CELF2: variants seen among roughly 807,000 people sequenced by gnomAD.
CELF2 encodes the protein CUG triplet repeat RNA-binding protein 2.
In CELF2, 8 loss-of-function variants were observed where a neutral mutation model predicts 62.6. The ratio of observed to expected loss-of-function variants is 0.13; its 90% CI spans 0.07 to 0.23. The LOEUF is 0.23. Ranked by LOEUF, CELF2 falls within the 10% of genes least tolerant of loss-of-function variation. CELF2 has a pLI of 1.00. For missense variants in CELF2, 333 were observed against 671.0 expected, an observed-to-expected ratio of 0.50 and a Z score of 5.56; for synonymous variants, 258 against 250.0, an observed-to-expected ratio of 1.03 and a Z score of -0.30.
At chr10:10,809,034 A>G (rs757260071) in intron 1 of CELF2, among the ~76,000 whole-genome samples, 20 of 152,164 alleles carry the variant, frequency 1.3e-4, no homozygotes, top group Non-Finnish European at 2.5e-4. Flanking sequence ...CTAACCCCCA[A>G]TGTGGTGGTA....
chr10:10,686,310 TGGG>T, the CELF2 span, among the ~76,000 whole-genome samples: 1 of 69,754 alleles, frequency 1.4e-5, no homozygotes, highest in Non-Finnish European at 2.9e-5. Flanking sequence ...TTGGATTTTT[TGGG>T]GGGGGGGGTG....
intron 1 of CELF2, among the ~76,000 whole-genome samples, chr10:10,834,423 C>T (rs2058111612): frequency 6.6e-6 from 1 of 152,088 alleles, no homozygotes; most frequent in African/African-American, 2.4e-5. Flanking sequence ...ACAAGTTTAC[C>T]TATATAGCAA....
At chr10:10,628,133 C>T in the CELF2 span, among the ~76,000 whole-genome samples, 1 of 152,122 alleles carries the variant, frequency 6.6e-6, no homozygotes, top group Admixed American at 6.5e-5. Flanking sequence ...AAACTCCTGG[C>T]CTCAGGTAAT....
chr10:10,592,124 C>A, the CELF2 span, among the ~76,000 whole-genome samples: 239 of 152,234 alleles, frequency 1.6e-3, 2 homozygotes, highest in Non-Finnish European at 2.9e-3. Flanking sequence ...TAGCGTACAA[C>A]CTTTCAACAT....
At chr10:11,024,764 G>A (rs1019945254) in intron 1 of CELF2, among the ~76,000 whole-genome samples, 14 of 152,098 alleles carry the variant, frequency 9.2e-5, no homozygotes, top group East Asian at 1.9e-4. Context: ...GCTCCAATAG[G>A]ACTGAAGATT....
At position 11,156,009 on chromosome 10, in the gene CELF2, G is replaced by A. The variant is rs1305748323; in HGVS notation, c.75-9477G>A. ...CAGATAATCAGCATTTAACAGAAAA[G>A]TAGGTGGAGTTCTGAATGCCGGGCA... On this transcript the variant is annotated intron_variant, in intron 1 of 12. Coordinates refer to ENST00000633077, the MANE Select transcript of CELF2 (RefSeq NM_001326342.2). The surrounding 1 kb of genome is among the most constrained non-coding windows in gnomAD (Gnocchi z 4.3). Among the ~76,000 whole-genome samples, 3 of 152,202 alleles carry A rather than the reference G, an allele frequency of 2.0e-5. No individual in the cohort carries two copies. Among genetic ancestry groups the A allele is most frequent in the Non-Finnish European group, 2.9e-5 (2 of 68,032 alleles).
chr10:11,088,070 C>T (rs61830444), intron 1 of CELF2, among the ~76,000 whole-genome samples: 3,520 of 152,258 alleles, frequency 0.023, 71 homozygotes, highest in South Asian at 0.045. Flanking sequence ...GTGATTTGAG[C>T]CTTTAATGAA....
intron 2 of CELF2, among the ~76,000 whole-genome samples, chr10:10,977,325 A>C (rs994814707): frequency 6.6e-6 from 1 of 152,216 alleles, no homozygotes; most frequent in Non-Finnish European, 1.5e-5. Flanking sequence ...CTGCAGGTCC[A>C]CGATGTTTGC....
chr10:11,273,970 C>A (rs1292598584), intron 7 of CELF2, among the ~76,000 whole-genome samples: 1 of 4,524 alleles, frequency 2.2e-4, no homozygotes, highest in African/African-American at 2.3e-4. Flanking sequence ...TGATCCCCAC[C>A]CCCCCCCCCC....
chr10:11,025,192 G>A (rs907912667), intron 1 of CELF2, among the ~76,000 whole-genome samples: 1 of 149,294 alleles, frequency 6.7e-6, no homozygotes, highest in Non-Finnish European at 1.5e-5. Flanking sequence ...AATATGTGTG[G>A]GGGTATATAC....
the CELF2 span, among the ~76,000 whole-genome samples, chr10:10,700,713 T>C: frequency 2.6e-5 from 4 of 152,260 alleles, no homozygotes; most frequent in Non-Finnish European, 5.9e-5. Flanking sequence ...CTTTGCCTTG[T>C]AATTTCTTCT....
intron 1 of CELF2, among the ~76,000 whole-genome samples, chr10:10,906,602 G>A (rs931961956): frequency 2.0e-5 from 3 of 152,190 alleles, no homozygotes; most frequent in African/African-American, 7.2e-5. Context: ...CAATCCAGGG[G>A]GTTCTTAGTT....
In CELF2 at chr10:11,332,100, C is replaced by T. The variant is rs1311987895; in HGVS notation, c.*3047C>T. 6.8e-6 allele frequency: 1 copy of T among 147,672 alleles called. No individual in the cohort carries two copies. The highest frequency in any genetic ancestry group is 6.6e-5 in the Admixed American group (1 of 15,096). 9.1% of individuals were successfully genotyped at this position (147,672 alleles called of 1,614,324 possible). A position where few individuals can be genotyped will look rare whatever the true frequency, so the allele number is the denominator to read the frequency against. ...TTTCTCATTTTTGGGAAAAGAATTC[C>T]TAATGTGCTACTAGAATTCCTTCTT... On this transcript the variant is annotated 3_prime_UTR_variant, in exon 13 of 13. Transcript: ENST00000633077.
At chr10:10,651,624 A>G in the CELF2 span, among the ~76,000 whole-genome samples, 2 of 147,244 alleles carry the variant, frequency 1.4e-5, no homozygotes, top group Non-Finnish European at 3.0e-5. Context: ...GACACCTCAC[A>G]CGGCAGGGTA....
the CELF2 span, among the ~76,000 whole-genome samples, chr10:10,684,813 C>T: frequency 6.6e-6 from 1 of 152,070 alleles, no homozygotes; most frequent in Non-Finnish European, 1.5e-5. Flanking sequence ...AAGAATAGAA[C>T]GTGCTATTTT....
At chr10:10,894,940 T>C (rs1343683270) in intron 1 of CELF2, among the ~76,000 whole-genome samples, 2 of 152,226 alleles carry the variant, frequency 1.3e-5, no homozygotes, top group Non-Finnish European at 2.9e-5. Flanking sequence ...CTCCAGGTAA[T>C]ATTATGAAGT....
the CELF2 span, among the ~76,000 whole-genome samples, chr10:10,787,694 T>C: frequency 2.9e-4 from 44 of 152,360 alleles, no homozygotes; most frequent in African/African-American, 9.6e-4. Context: ...TCTGTAGTTT[T>C]TCCCAGTTAT....
At chr10:11,325,010 G>C (rs781774730) in intron 11 of CELF2, among the ~76,000 whole-genome samples, 5 of 152,138 alleles carry the variant, frequency 3.3e-5, no homozygotes, top group African/African-American at 9.7e-5. Flanking sequence ...ACTTTCACAT[G>C]GTGCTCATAT....
At chr10:11,257,207 CAG>C (rs1174586853) in intron 4 of CELF2, among the ~76,000 whole-genome samples, 1 of 152,002 alleles carries the variant, frequency 6.6e-6, no homozygotes, top group East Asian at 1.9e-4. Flanking sequence ...CTATTTGAAA[CAG>C]AAAAATGTTT....
Sources: gnomAD v4.1 joint callset for allele counts (sites outside exome capture counted in the v4.1 genomes callset) on GRCh38, gnomAD v4.1.1 for gene constraint, Gnocchi (gnomAD v3.1) non-coding constraint, MANE v1.5 for transcripts, NCBI Gene and HGNC (gene_info 2026-07-23, HGNC 2026-07-21) for gene names.